UST: variants seen among roughly 807,000 people sequenced by gnomAD.
The protein encoded by UST is chondroitin sulfate 2-O-sulfotransferase.
Under a neutral mutation model 45.6 loss-of-function variants are expected in UST, and 21 were observed. That is an observed-to-expected ratio of 0.46 (90% CI 0.33 to 0.66). The LOEUF is 0.66. Among genes scored for constraint, UST ranks in the 30% least tolerant of loss-of-function variants. UST has a pLI of 0.02. For missense variants in UST, 463 were observed against 512.4 expected (o/e 0.90, Z 0.93); for synonymous variants, 215 against 200.6 (o/e 1.07, Z -0.61).
intron 1 of UST, among the ~76,000 whole-genome samples, chr6:148,845,957 G>A (rs1426174089): frequency 7.2e-6 from 1 of 139,590 alleles, no homozygotes; most frequent in Non-Finnish European, 1.6e-5. Flanking sequence ...ACAGGTGCTG[G>A]AGAGGATGTG....
intron 1 of UST, among the ~76,000 whole-genome samples, chr6:148,858,186 T>A (rs895742800): frequency 6.6e-6 from 1 of 152,130 alleles, no homozygotes; most frequent in African/African-American, 2.4e-5. Flanking sequence ...CAGCAGGCCA[T>A]CTGCAAGCTG....
chr6:148,770,533 G>A (rs1020027337), intron 1 of UST, among the ~76,000 whole-genome samples: 5 of 152,032 alleles, frequency 3.3e-5, no homozygotes, highest in Admixed American at 2.6e-4. Context: ...AGAAGCCACC[G>A]AACATTTTTA....
At chr6:148,924,920 C>T (rs564094030) in intron 2 of UST, among the ~76,000 whole-genome samples, 1 of 152,242 alleles carries the variant, frequency 6.6e-6, no homozygotes, top group East Asian at 1.9e-4. Flanking sequence ...CGTGACTATG[C>T]CTGCTTGATT....
intron 5 of UST, chr6:149,005,562 C>G: frequency 1.0e-6 from 1 of 985,378 alleles, no homozygotes; most frequent in Non-Finnish European, 1.2e-6. Flanking sequence ...CAAGCTTTTA[C>G]CGAATAAAAT....
chr6:149,068,491 T>C (rs1469863806), intron 7 of UST, among the ~76,000 whole-genome samples: 1 of 152,220 alleles, frequency 6.6e-6, no homozygotes, highest in Non-Finnish European at 1.5e-5. Flanking sequence ...TATAAAAATA[T>C]ACCACAAAGC....
intron 1 of UST, among the ~76,000 whole-genome samples, chr6:148,753,531 A>G (rs1167917523): frequency 6.6e-6 from 1 of 152,222 alleles, no homozygotes; most frequent in Non-Finnish European, 1.5e-5. Flanking sequence ...AAAATGTTCC[A>G]TAAGACTGTA....
chr6:148,788,354 TAC>T (rs199530817), intron 1 of UST, among the ~76,000 whole-genome samples: 28 of 151,780 alleles, frequency 1.8e-4, no homozygotes, highest in African/African-American at 4.8e-4. Context: ...TATATATATA[TAC>T]ACACACACAC....
intron 4 of UST, among the ~76,000 whole-genome samples, chr6:148,963,749 C>T (rs948920189): frequency 2.6e-5 from 4 of 152,188 alleles, no homozygotes; most frequent in Admixed American, 6.5e-5. Flanking sequence ...AGTTATGAAC[C>T]TTATTCCTGC....
chr6:148,994,654 G>A (rs1441918093), intron 5 of UST, among the ~76,000 whole-genome samples: 2 of 152,184 alleles, frequency 1.3e-5, no homozygotes, highest in Non-Finnish European at 2.9e-5. Flanking sequence ...CTCTTCGCTA[G>A]TCAAGAGTTT....
intron 7 of UST, among the ~76,000 whole-genome samples, chr6:149,049,259 G>A (rs1452017255): frequency 1.3e-5 from 2 of 152,032 alleles, no homozygotes; most frequent in African/African-American, 2.4e-5. Context: ...AAAGACAACT[G>A]TAAAAATAGA....
At chr6:148,912,370 T>C (rs1313781154) in intron 2 of UST, among the ~76,000 whole-genome samples, 1 of 152,234 alleles carries the variant, frequency 6.6e-6, no homozygotes, top group Non-Finnish European at 1.5e-5. Flanking sequence ...TAAAACAGCA[T>C]TAACTGTGAC....
intron 1 of UST, among the ~76,000 whole-genome samples, chr6:148,798,932 C>T (rs142277278): frequency 0.089 from 13,581 of 152,024 alleles, 987 homozygotes; most frequent in East Asian, 0.4. Context: ...TGCAGTGGTG[C>T]GAGCTCGGCT....
At chr6:149,057,861 CTG>C (rs754805297) in intron 7 of UST, among the ~76,000 whole-genome samples, 1 of 152,138 alleles carries the variant, frequency 6.6e-6, no homozygotes, top group Non-Finnish European at 1.5e-5. Flanking sequence ...ACAGTAATAA[CTG>C]TGGCTTGATT....
At chr6:148,915,523 A>T (rs914910061) in intron 2 of UST, among the ~76,000 whole-genome samples, 1 of 138,872 alleles carries the variant, frequency 7.2e-6, no homozygotes, top group Non-Finnish European at 1.6e-5. Context: ...ATGGCAATTC[A>T]TACCTTCAAA....
At chr6:148,941,970 T>C (rs1780136138) in intron 3 of UST, among the ~76,000 whole-genome samples, 1 of 152,144 alleles carries the variant, frequency 6.6e-6, no homozygotes, top group Admixed American at 6.5e-5. Flanking sequence ...TTTGCCCTAG[T>C]GTAGCTGAGC....
intron 1 of UST, among the ~76,000 whole-genome samples, chr6:148,804,792 G>T (rs1019455405): frequency 6.7e-6 from 1 of 149,426 alleles, no homozygotes; most frequent in Non-Finnish European, 1.5e-5. Context: ...GCACTTTTTC[G>T]GTGTGCTTAC....
At chr6:148,930,156 C>T (rs1282483151) in intron 2 of UST, among the ~76,000 whole-genome samples, 2 of 152,204 alleles carry the variant, frequency 1.3e-5, no homozygotes, top group Non-Finnish European at 2.9e-5. Flanking sequence ...CTTCCGTTCT[C>T]ATACCACTGT....
chr6:149,014,524 G>T (rs1365969990), intron 5 of UST, among the ~76,000 whole-genome samples: 1 of 152,184 alleles, frequency 6.6e-6, no homozygotes, highest in Non-Finnish European at 1.5e-5. Context: ...CTGTCCCAGG[G>T]ACCCCATCTG....
chr6:149,010,913 A>AAAAAAAAAAAAAAAAACAAAAAAAC (rs755674810), intron 5 of UST, among the ~76,000 whole-genome samples: 1 of 92,968 alleles, frequency 1.1e-5, no homozygotes, highest in African/African-American at 4.4e-5. Flanking sequence ...AAAAAAAAAA[A>AAAAAAAAAAAAAAAAACAAAAAAAC]AAAAAACTGT....
Sources: gnomAD v4.1 joint callset for allele counts (sites outside exome capture counted in the v4.1 genomes callset) on GRCh38, gnomAD v4.1.1 for gene constraint, MANE v1.5 for transcripts, NCBI Gene and HGNC (gene_info 2026-07-23, HGNC 2026-07-21) for gene names.